The following CTNNA2 variants were observed in gnomAD, a reference collection of about 807,000 sequenced individuals.
CTNNA2 encodes catenin alpha 2.
Under a neutral mutation model 101.0 loss-of-function variants are expected in CTNNA2, and 42 were observed. The ratio of observed to expected loss-of-function variants is 0.42; its 90% confidence interval spans 0.32 to 0.54. The LOEUF (loss-of-function observed/expected upper bound fraction) is 0.54, where lower values mean the gene tolerates loss of function less well. Among genes scored for constraint, CTNNA2 ranks in the 20% least tolerant of loss-of-function variants. The pLI is 0.14. For missense variants in CTNNA2, 871 were observed against 1,223.1 expected, an observed-to-expected ratio of 0.71 and a Z score of 4.29; for synonymous variants, 450 against 456.4, an observed-to-expected ratio of 0.99 and a Z score of 0.18.
intron 7 of CTNNA2, among the ~76,000 whole-genome samples, chr2:80,132,160 TG>T (rs1306406899): frequency 6.6e-6 from 1 of 152,112 alleles, no homozygotes; most frequent in Non-Finnish European, 1.5e-5. Context: ...GTGATGTTTG[TG>T]GAAGTGAAGA....
chr2:80,228,812 G>C (rs781239233), intron 7 of CTNNA2, among the ~76,000 whole-genome samples: 1 of 152,168 alleles, frequency 6.6e-6, no homozygotes, highest in Non-Finnish European at 1.5e-5. Flanking sequence ...TACAGTTTGT[G>C]TACTGCTTAT....
At chr2:79,963,808 T>C (rs189942976) in intron 7 of CTNNA2, among the ~76,000 whole-genome samples, 10 of 152,308 alleles carry the variant, frequency 6.6e-5, no homozygotes, top group Admixed American at 6.5e-4. Flanking sequence ...ACCTAAATGA[T>C]ATAACAAAGC....
chr2:79,638,138 A>G (rs981606639), intron 1 of CTNNA2, among the ~76,000 whole-genome samples: 4 of 152,224 alleles, frequency 2.6e-5, no homozygotes, highest in African/African-American at 9.6e-5. Flanking sequence ...AATGACCTGT[A>G]GTGTTCAGTG....
At chr2:79,228,051 C>G (rs1343517134) in intron 2 of CTNNA2, among the ~76,000 whole-genome samples, 2 of 152,238 alleles carry the variant, frequency 1.3e-5, no homozygotes, top group African/African-American at 4.8e-5. Context: ...TGGCCTCCAA[C>G]TCCATCCATG....
chr2:79,994,292 G>T (rs923287531), intron 7 of CTNNA2, among the ~76,000 whole-genome samples: 2 of 152,154 alleles, frequency 1.3e-5, no homozygotes, highest in African/African-American at 4.8e-5. Context: ...ACCCGTCCTG[G>T]GAACATTCAA....
chr2:79,303,045 C>G (rs1227319674), intron 2 of CTNNA2, among the ~76,000 whole-genome samples: 2 of 152,282 alleles, frequency 1.3e-5, no homozygotes, highest in East Asian at 3.9e-4. Context: ...CAGTCTTCTA[C>G]ATAGGATGCT....
At chr2:80,458,515 T>C (rs1321096563) in intron 9 of CTNNA2, among the ~76,000 whole-genome samples, 1 of 152,234 alleles carries the variant, frequency 6.6e-6, no homozygotes, top group Admixed American at 6.5e-5. Context: ...TATATTTGTG[T>C]TTGGCTGGTT....
At chr2:80,416,504 A>G (rs1350124745) in intron 8 of CTNNA2, among the ~76,000 whole-genome samples, 1 of 152,134 alleles carries the variant, frequency 6.6e-6, no homozygotes, top group Admixed American at 6.6e-5. Context: ...ATGATGAATT[A>G]AAATTTCATA....
intron 7 of CTNNA2, among the ~76,000 whole-genome samples, chr2:80,127,374 TATGCTATGAAG>T (rs1409019950): frequency 1.3e-5 from 2 of 152,174 alleles, no homozygotes; most frequent in Non-Finnish European, 2.9e-5. Flanking sequence ...GGCAGAAGAA[TATGCTATGAAG>T]AATAGATAGG....
At chr2:80,055,327 C>T (rs1328554191) in intron 7 of CTNNA2, among the ~76,000 whole-genome samples, 1 of 152,078 alleles carries the variant, frequency 6.6e-6, no homozygotes, top group East Asian at 1.9e-4. Context: ...CATGTCTGTT[C>T]CATCTCTAAC....
At chr2:80,583,636 A>G (rs1573359740) in intron 14 of CTNNA2, among the ~76,000 whole-genome samples, 1 of 152,176 alleles carries the variant, frequency 6.6e-6, no homozygotes, top group Non-Finnish European at 1.5e-5. Context: ...AGACAAAGAC[A>G]GGTTGTACAA....
At chr2:80,193,788 A>G (rs943603337) in intron 7 of CTNNA2, among the ~76,000 whole-genome samples, 21 of 152,132 alleles carry the variant, frequency 1.4e-4, no homozygotes, top group African/African-American at 4.3e-4. Context: ...CCCCTTTGAC[A>G]TTTACTTTTC....
intron 2 of CTNNA2, among the ~76,000 whole-genome samples, chr2:79,292,595 C>T (rs1217932926): frequency 6.6e-6 from 1 of 152,102 alleles, no homozygotes; most frequent in Non-Finnish European, 1.5e-5. Context: ...TGGTTAAGTA[C>T]AAGTACCCCA....
chr2:79,222,575 A>T (rs1674358594), intron 2 of CTNNA2, among the ~76,000 whole-genome samples: 1 of 152,156 alleles, frequency 6.6e-6, no homozygotes, highest in African/African-American at 2.4e-5. Flanking sequence ...TATTACATAG[A>T]TCAATACTTG....
intron 7 of CTNNA2, among the ~76,000 whole-genome samples, chr2:80,232,341 G>GTTTTTTTTTTTTTTTT (rs1286822049): frequency 4.3e-4 from 35 of 82,024 alleles, no homozygotes; most frequent in Non-Finnish European, 7.8e-4. Context: ...TTGTTTGTTT[G>GTTTTTTTTTTTTTTTT]TTTGTTTTTT....
At chr2:80,043,077 TTCTTTCTTTCTTTCTTTCTCTCTCTCTC>T (rs1558754865) in intron 7 of CTNNA2, among the ~76,000 whole-genome samples, 12 of 52,886 alleles carry the variant, frequency 2.3e-4, no homozygotes, top group Middle Eastern at 6.0e-3. Flanking sequence ...CTTTCTTTCT[TTCTTTCTTTCTTTCTTTCTCTCTCTCTC>T]TCTCTCTTTC....
At chr2:79,469,414 G>A (rs1389512412) in intron 4 of CTNNA2, among the ~76,000 whole-genome samples, 1 of 152,062 alleles carries the variant, frequency 6.6e-6, no homozygotes, top group African/African-American at 2.4e-5. Context: ...AAAGGTCCAG[G>A]ACCAGACGGA....
intron 1 of CTNNA2, among the ~76,000 whole-genome samples, chr2:79,643,888 T>C (rs1441628562): frequency 6.6e-6 from 1 of 152,110 alleles, no homozygotes; most frequent in Non-Finnish European, 1.5e-5. Flanking sequence ...TCCATGCTTT[T>C]TATGTGGCCC....
intron 2 of CTNNA2, among the ~76,000 whole-genome samples, chr2:79,707,676 C>T (rs921767969): frequency 2.6e-5 from 4 of 152,194 alleles, no homozygotes; most frequent in Non-Finnish European, 5.9e-5. Context: ...TCAGCACTCT[C>T]GTTAAGAAGC....
Sources: gnomAD v4.1 joint callset for allele counts (sites outside exome capture counted in the v4.1 genomes callset) on GRCh38, gnomAD v4.1.1 for gene constraint, MANE v1.5 for transcripts, NCBI Gene and HGNC (gene_info 2026-07-23, HGNC 2026-07-21) for gene names.